POU2F2: variants seen among roughly 807,000 people sequenced by gnomAD.
The protein encoded by POU2F2 is POU domain, class 2, transcription factor 2.
A neutral mutation model predicts 63.5 loss-of-function variants in POU2F2; 14 were observed. The observed-to-expected ratio is 0.22, with a 90% confidence interval of 0.15 to 0.34. The LOEUF is 0.34. Ranked by LOEUF, POU2F2 falls within the 10% of genes least tolerant of loss-of-function variation. The pLI is 1.00. For synonymous variants in POU2F2, 306 were observed against 348.6 expected (o/e 0.88, Z 1.36); for missense variants, 607 against 815.2 (o/e 0.74, Z 3.11).
rs1338492937 is a variant in POU2F2 at position 42,096,872 on chromosome 19, G to T, written c.568-629C>A. 2.0e-5 allele frequency among the ~76,000 whole-genome samples: 3 copies of T among 152,218 alleles called. No homozygotes were observed. The highest frequency in any genetic ancestry group is 4.4e-5 in the Non-Finnish European group (3 of 68,046). On this transcript the variant is annotated intron_variant, in intron 7 of 14. Transcript: ENST00000692977. The surrounding 1 kb of genome is among the most constrained non-coding windows in gnomAD (Gnocchi z 4.1). The stretch of plus-strand genomic sequence containing the variant: ...GTTGGGGATGTAGATGATGCAGGAA[G>T]CTGTGCATGTGTAGGGGCAGAGATA...
rs541925716 is a variant in POU2F2 at position 42,152,065 on chromosome 19, T to C, written c.-9+8267A>G. 5.9e-5 allele frequency among the ~76,000 whole-genome samples: 9 copies of C among 152,162 alleles called. 2 individuals carry two copies. In the South Asian group the frequency reaches 1.9e-3, roughly 32 times the overall value. On this transcript the variant is annotated intron_variant, in intron 2 of 6. Transcript: ENST00000524801. This position sits in a 1 kb window ranked among gnomAD's most constrained non-coding sequence, Gnocchi z 4.1. ...CCATGGCTACAGTGAAGGAGGAGGA[T>C]TCACACTCTGGTTGGTCACAATCCA...
intron 1 of POU2F2, among the ~76,000 whole-genome samples, chr19:42,193,647 T>C (rs1475992460): frequency 6.6e-6 from 1 of 152,240 alleles, no homozygotes; most frequent in Non-Finnish European, 1.5e-5. Context: ...AATACATTTA[T>C]ATTGTGTTAA....
At position 42,155,471 on chromosome 19, in the gene POU2F2, G is replaced by A. The variant is rs1039429624; in HGVS notation, c.-9+4861C>T. Among the ~76,000 whole-genome samples the A allele has an allele frequency of 2.6e-5, 4 of 152,024 alleles. No individual in the cohort carries two copies. Among genetic ancestry groups the A allele is most frequent in the Non-Finnish European group, 4.4e-5 (3 of 67,982 alleles). Reference sequence around the variant, plus strand: ...TCCCTCTGGCCCTCCTATCCACCTCGTCCCCAAGAAAAGCAAGGTTGGGCA... The same window carrying A: ...TCCCTCTGGCCCTCCTATCCACCTCATCCCCAAGAAAAGCAAGGTTGGGCA... On this transcript the variant is annotated intron_variant, in intron 2 of 6. Transcript: ENST00000524801. The surrounding 1 kb of genome is among the most constrained non-coding windows in gnomAD (Gnocchi z 4.2).
intron 1 of POU2F2, among the ~76,000 whole-genome samples, chr19:42,174,447 G>T (rs1049862713): frequency 1.7e-4 from 26 of 152,198 alleles, no homozygotes; most frequent in Non-Finnish European, 2.6e-4. Flanking sequence ...GCCAAAGAGG[G>T]CCTCCTGAAT....
Position 42,163,507 on chromosome 19 carries a change from G to C in POU2F2, c.-69-3115C>G, listed in dbSNP as rs925476275. Among the ~76,000 whole-genome samples, 12 of 152,170 alleles carry C rather than the reference G, an allele frequency of 7.9e-5. No homozygotes were observed. The East Asian group carries it at 1.9e-3, about 24-fold the overall frequency. On this transcript the variant is annotated intron_variant, in intron 1 of 6. Transcript: ENST00000524801. ...CAGGACATAGGCCGGCATCACGCCT[G>C]GCTCTGGGGCCTGGAAGAGGGTGGT...
chr19:42,140,068 T>C (rs2034096848), intron 2 of POU2F2, among the ~76,000 whole-genome samples: 1 of 152,224 alleles, frequency 6.6e-6, no homozygotes, highest in African/African-American at 2.4e-5. Flanking sequence ...TGAGTCTCAT[T>C]CAGACTGCAG....
chr19:42,174,414 C>T (rs542848133), intron 1 of POU2F2, among the ~76,000 whole-genome samples: 20 of 152,320 alleles, frequency 1.3e-4, no homozygotes, highest in African/African-American at 4.8e-4. Flanking sequence ...CCTGCACACG[C>T]GTGGACGGCT....
intron 1 of POU2F2, among the ~76,000 whole-genome samples, chr19:42,128,537 T>G (rs1426627357): frequency 6.6e-6 from 1 of 152,124 alleles, no homozygotes; most frequent in Non-Finnish European, 1.5e-5. Flanking sequence ...CTGTCAGAGC[T>G]CAATCTGAGA....
chr19:42,105,123 C>T (rs187900970), intron 5 of POU2F2, among the ~76,000 whole-genome samples: 64 of 152,224 alleles, frequency 4.2e-4, no homozygotes, highest in African/African-American at 1.5e-3. Context: ...TGCTTCAGGG[C>T]CCCCCATTTA....
At chr19:42,130,958 C>A (rs1477385215) in intron 1 of POU2F2, among the ~76,000 whole-genome samples, 2 of 133,950 alleles carry the variant, frequency 1.5e-5, no homozygotes, top group Admixed American at 7.5e-5. Flanking sequence ...TATGTCCCCC[C>A]ATCCCAGCCC....
intron 7 of POU2F2, among the ~76,000 whole-genome samples, chr19:42,097,622 C>A (rs2076972513): frequency 6.6e-6 from 1 of 151,758 alleles, no homozygotes; most frequent in African/African-American, 2.4e-5. Context: ...CTAGCCTGGG[C>A]AACATGGCGA....
At chr19:42,106,019 C>CTT (rs1304718734) in intron 5 of POU2F2, among the ~76,000 whole-genome samples, 3 of 141,554 alleles carry the variant, frequency 2.1e-5, no homozygotes, top group African/African-American at 5.5e-5. Context: ...TTCTTTCTTT[C>CTT]TTTCTTTCTT....
intron 7 of POU2F2, among the ~76,000 whole-genome samples, chr19:42,098,474 T>G (rs1342135409): frequency 1.3e-5 from 2 of 151,244 alleles, no homozygotes. Flanking sequence ...ATAGATAATG[T>G]GGCCCGGCCC....
intron 1 of POU2F2, among the ~76,000 whole-genome samples, chr19:42,190,779 T>C (rs933461010): frequency 3.1e-4 from 47 of 152,100 alleles, no homozygotes; most frequent in Non-Finnish European, 1.5e-5. Flanking sequence ...TCATGCGGTA[T>C]ATGTATCAGG....
At chr19:42,103,367 A>G (rs1490449358) in intron 5 of POU2F2, among the ~76,000 whole-genome samples, 2 of 152,226 alleles carry the variant, frequency 1.3e-5, no homozygotes, top group Non-Finnish European at 1.5e-5. Context: ...TGCCTAGAAC[A>G]GCACCTGGCA....
intron 12 of POU2F2, 123 bp downstream of exon 12, chr19:42,093,694 TCTCCCATTCCCC>T: frequency 1.2e-6 from 1 of 841,726 alleles, no homozygotes; most frequent in Non-Finnish European, 1.8e-6. Flanking sequence ...TCCCACTGTC[TCTCCCATTCCCC>T]CACCCACACT....
chr19:42,175,832 C>G (rs1364804556), intron 1 of POU2F2: 1 of 152,450 alleles, frequency 6.6e-6, no homozygotes, highest in Non-Finnish European at 1.5e-5. Flanking sequence ...GAGATGCCAC[C>G]GCCTCTGAGT....
At chr19:42,127,925 C>T (rs2033352735) in intron 1 of POU2F2, among the ~76,000 whole-genome samples, 1 of 152,026 alleles carries the variant, frequency 6.6e-6, no homozygotes, top group Admixed American at 6.6e-5. Context: ...CCTGATCTCC[C>T]TCCCCCAGGC....
chr19:42,117,687 T>C lies in POU2F2; in HGVS notation c.187-255A>G, dbSNP rs1020407292. On this transcript the variant is annotated intron_variant, in intron 4 of 14. Coordinates refer to ENST00000692977, the MANE Select transcript of POU2F2 (RefSeq NM_001394376.1). This position sits in a 1 kb window ranked among gnomAD's most constrained non-coding sequence, Gnocchi z 4.4. ...AGAGTCAGTTTTCCTGTCTGTAAAA[T>C]GGAAAAGAGTGGCTGGGCACGGTGG... Among the ~76,000 whole-genome samples, 4 of 151,634 alleles carry C rather than the reference T, an allele frequency of 2.6e-5. No homozygotes were observed. Among genetic ancestry groups the C allele is most frequent in the Non-Finnish European group, 5.9e-5 (4 of 67,958 alleles).
Sources: allele counts gnomAD v4.1 joint callset (sites outside exome capture counted in the v4.1 genomes callset), GRCh38; gene constraint gnomAD v4.1.1; non-coding constraint Gnocchi (gnomAD v3.1); transcripts MANE v1.5; gene names NCBI Gene and HGNC (gene_info 2026-07-23, HGNC 2026-07-21).